The following CDH13 variants were observed in gnomAD, a reference collection of about 807,000 sequenced individuals.
The protein encoded by CDH13 is cadherin 13.
Under a neutral mutation model 63.8 loss-of-function variants are expected in CDH13, and 24 were observed. The observed-to-expected ratio is 0.38, with a 90% CI of 0.27 to 0.53. The LOEUF is 0.53. Among genes scored for constraint, CDH13 ranks in the 20% least tolerant of loss-of-function variants. The pLI, the probability that CDH13 is intolerant of heterozygous loss-of-function variation, is 0.85. For synonymous variants in CDH13, 503 were observed against 355.3 expected (o/e 1.42, Z -4.67); for missense variants, 1,049 against 903.1 (o/e 1.16, Z -2.07).
At chr16:83,064,803 T>C (rs956679425) in intron 3 of CDH13, among the ~76,000 whole-genome samples, 1 of 152,228 alleles carries the variant, frequency 6.6e-6, no homozygotes, top group East Asian at 1.9e-4. Flanking sequence ...AATGGTATAA[T>C]TAAATCAAGC....
At chr16:83,318,528 C>T (rs2090153304) in intron 5 of CDH13, among the ~76,000 whole-genome samples, 1 of 152,212 alleles carries the variant, frequency 6.6e-6, no homozygotes, top group Non-Finnish European at 1.5e-5. Context: ...ATTCTGTCTG[C>T]TACACGTAAG....
chr16:83,114,195 A>G (rs60043075), intron 3 of CDH13, among the ~76,000 whole-genome samples: 7,674 of 152,276 alleles, frequency 0.05, 283 homozygotes, highest in African/African-American at 0.099. Flanking sequence ...TCAGATGATT[A>G]GTTATTGGAC....
intron 3 of CDH13, among the ~76,000 whole-genome samples, chr16:83,115,794 G>A (rs1309939388): frequency 6.6e-6 from 1 of 152,220 alleles, no homozygotes; most frequent in Non-Finnish European, 1.5e-5. Flanking sequence ...AGATGATAGA[G>A]GTTTGTGGTT....
intron 5 of CDH13, among the ~76,000 whole-genome samples, chr16:83,291,767 C>G (rs980377693): frequency 2.0e-5 from 3 of 152,306 alleles, no homozygotes; most frequent in African/African-American, 4.8e-5. Flanking sequence ...TTTATGCCAA[C>G]TGGGACTTTT....
chr16:83,289,030 A>G (rs2089399212), intron 5 of CDH13, among the ~76,000 whole-genome samples: 2 of 152,212 alleles, frequency 1.3e-5, no homozygotes, highest in Admixed American at 6.5e-5. Context: ...CCTTTTTGAA[A>G]TAGAAAATGT....
At chr16:83,773,726 C>T (rs10514599) in intron 11 of CDH13, among the ~76,000 whole-genome samples, 1 of 152,056 alleles carries the variant, frequency 6.6e-6, no homozygotes, top group Non-Finnish European at 1.5e-5. Context: ...CTTGGTCAAG[C>T]CTATCTATCC....
intron 3 of CDH13, among the ~76,000 whole-genome samples, chr16:83,042,940 C>CA (rs1917453368): frequency 1.3e-5 from 2 of 152,176 alleles, no homozygotes; most frequent in East Asian, 1.9e-4. Context: ...GTGATAACTT[C>CA]AAAAAACCTG....
intron 6 of CDH13, among the ~76,000 whole-genome samples, chr16:83,398,912 G>T (rs981057526): frequency 6.6e-6 from 1 of 152,140 alleles, no homozygotes; most frequent in African/African-American, 2.4e-5. Flanking sequence ...TGCAGAGATA[G>T]GACAAAAAAT....
At chr16:83,103,370 T>C (rs1405086961) in intron 3 of CDH13, among the ~76,000 whole-genome samples, 1 of 146,996 alleles carries the variant, frequency 6.8e-6, no homozygotes, top group Non-Finnish European at 1.5e-5. Flanking sequence ...CTCAGCCTAC[T>C]GAGTAGCTGG....
At chr16:82,848,115 T>G (rs572068285) in intron 1 of CDH13, among the ~76,000 whole-genome samples, 1 of 152,214 alleles carries the variant, frequency 6.6e-6, no homozygotes, top group Non-Finnish European at 1.5e-5. Context: ...AAAAATGTTA[T>G]GTATTGCTCT....
chr16:82,683,138 G>A (rs958648235), intron 1 of CDH13, among the ~76,000 whole-genome samples: 1 of 152,190 alleles, frequency 6.6e-6, no homozygotes, highest in Non-Finnish European at 1.5e-5. Context: ...TGCTCTGCAG[G>A]AAAATAAGTC....
intron 3 of CDH13, among the ~76,000 whole-genome samples, chr16:83,067,232 C>G (rs1207005398): frequency 6.6e-6 from 1 of 152,156 alleles, no homozygotes; most frequent in Non-Finnish European, 1.5e-5. Context: ...GACTGTATCT[C>G]TGAGTAATGT....
intron 8 of CDH13, among the ~76,000 whole-genome samples, chr16:83,652,868 T>C (rs1567484687): frequency 6.6e-6 from 1 of 152,166 alleles, no homozygotes; most frequent in Non-Finnish European, 1.5e-5. Context: ...ACAGCAGCAT[T>C]ATTCCCCATA....
At chr16:82,952,565 T>A (rs984424056) in intron 2 of CDH13, among the ~76,000 whole-genome samples, 4 of 152,244 alleles carry the variant, frequency 2.6e-5, no homozygotes, top group Admixed American at 2.0e-4. Flanking sequence ...TTTCTACAGA[T>A]CCTTGAATAT....
At chr16:82,860,384 T>G (rs1157808773) in intron 2 of CDH13, among the ~76,000 whole-genome samples, 47 of 29,536 alleles carry the variant, frequency 1.6e-3, no homozygotes, top group Non-Finnish European at 1.7e-3. Flanking sequence ...TGTGTGTGTG[T>G]GTGTGGGGGG....
chr16:82,719,272 G>C (rs1268397585), intron 1 of CDH13: 3 of 418,654 alleles, frequency 7.2e-6, no homozygotes, highest in Non-Finnish European at 9.6e-6. Flanking sequence ...TATAATTTTG[G>C]CCTGAGTCTA....
At chr16:82,667,779 C>T (rs1341708040) in intron 1 of CDH13, among the ~76,000 whole-genome samples, 3 of 152,140 alleles carry the variant, frequency 2.0e-5, no homozygotes, top group Non-Finnish European at 2.9e-5. Flanking sequence ...CTCACGCTTG[C>T]TTTCTATGTC....
chr16:82,910,224 A>G (rs182666577), intron 2 of CDH13, among the ~76,000 whole-genome samples: 2 of 152,282 alleles, frequency 1.3e-5, no homozygotes, highest in Admixed American at 6.5e-5. Flanking sequence ...GTTGTTTGAC[A>G]TCATGCAGAC....
At chr16:82,955,110 G>C (rs1390073184) in intron 2 of CDH13, among the ~76,000 whole-genome samples, 2 of 152,088 alleles carry the variant, frequency 1.3e-5, no homozygotes, top group Non-Finnish European at 2.9e-5. Context: ...TATAATCTTT[G>C]GTGTGGATAT....
Sources: gnomAD v4.1 joint callset for allele counts (sites outside exome capture counted in the v4.1 genomes callset) on GRCh38, gnomAD v4.1.1 for gene constraint, MANE v1.5 for transcripts, NCBI Gene and HGNC (gene_info 2026-07-23, HGNC 2026-07-21) for gene names.